CASK: variants seen among roughly 807,000 people sequenced by gnomAD.
CASK encodes the protein calcium/calmodulin dependent serine protein kinase, also known as peripheral plasma membrane protein CASK.
Under a neutral mutation model 82.9 loss-of-function variants are expected in CASK, and 4 were observed. The observed-to-expected ratio is 0.05, with a 90% CI of 0.02 to 0.11. The LOEUF (loss-of-function observed/expected upper bound fraction) is 0.11, where lower values mean the gene tolerates loss of function less well. CASK is among the 10% of genes least tolerant of loss of function. The probability of loss-of-function intolerance (pLI) is 1.00; values close to 1 mark genes in which losing one functional copy is unlikely to be tolerated. For synonymous variants in CASK, 259 were observed against 253.5 expected (o/e 1.02, Z -0.20); for missense variants, 358 against 720.9 (o/e 0.50, Z 5.76).
At chrX:41,659,571 C>A (rs1333380197) in intron 8 of CASK, among the ~76,000 whole-genome samples, 4 of 111,342 alleles carry the variant, frequency 3.6e-5, no homozygotes, top group Non-Finnish European at 7.5e-5. Context: ...GTCTTTCTAA[C>A]ATCTAAAATG....
rs748228279 is a variant in CASK, at chrX:41,808,122, C to G, written c.173-20839G>C. ...CATCTGCCTCGGCTTCCCAAAGTGCCAGGATTACAGGTGTGAGCCATCGTG... is the reference window on the plus strand; with the variant it reads ...CATCTGCCTCGGCTTCCCAAAGTGCGAGGATTACAGGTGTGAGCCATCGTG... On this transcript the variant is annotated intron_variant, in intron 2 of 26. Coordinates refer to ENST00000378163, the MANE Select transcript of CASK (RefSeq NM_001367721.1). Among the ~76,000 whole-genome samples, 10 of 111,907 alleles carry G rather than the reference C, an allele frequency of 8.9e-5. No homozygotes were observed. The South Asian group carries it at 1.5e-3, about 17-fold the overall frequency.
chrX:41,596,671 A>G (rs1245155872), intron 12 of CASK, among the ~76,000 whole-genome samples: 1 of 111,394 alleles, frequency 9.0e-6, no homozygotes, highest in Non-Finnish European at 1.9e-5. Context: ...ACTTTTTATT[A>G]AAAAAAACAA....
At chrX:41,629,209 G>C (rs1405268448) in intron 9 of CASK, among the ~76,000 whole-genome samples, 1 of 111,180 alleles carries the variant, frequency 9.0e-6, no homozygotes, top group Non-Finnish European at 1.9e-5. Context: ...AAACTCTGGG[G>C]CTCAAGCACT....
At chrX:41,536,360 G>A (rs2064873558) in intron 22 of CASK, among the ~76,000 whole-genome samples, 1 of 111,024 alleles carries the variant, frequency 9.0e-6, no homozygotes, top group African/African-American at 3.3e-5. Context: ...CACTGGCCTT[G>A]GCCTCCCGAA....
At chrX:41,626,931 AC>A (rs1218783368) in intron 9 of CASK, among the ~76,000 whole-genome samples, 1 of 112,201 alleles carries the variant, frequency 8.9e-6, no homozygotes, top group Non-Finnish European at 1.9e-5. Context: ...GAAACCACTT[AC>A]ATCTTGAATT....
At chrX:41,690,388 C>T (rs990211752) in intron 5 of CASK, among the ~76,000 whole-genome samples, 2 of 110,653 alleles carry the variant, frequency 1.8e-5, no homozygotes, top group Admixed American at 1.9e-4. Context: ...GCTCTGTTGC[C>T]CAGGCTAGAG....
chrX:41,833,024 A>G (rs752285634), intron 2 of CASK, among the ~76,000 whole-genome samples: 19 of 112,147 alleles, frequency 1.7e-4, no homozygotes, highest in Non-Finnish European at 3.0e-4. Context: ...AACAAGATAG[A>G]AGAGTGTTGC....
chrX:41,688,203 T>C (rs2067477835), intron 5 of CASK, among the ~76,000 whole-genome samples: 1 of 111,140 alleles, frequency 9.0e-6, no homozygotes, highest in Non-Finnish European at 1.9e-5. Context: ...GAATATAATG[T>C]TCAGAAGAGT....
chrX:41,802,879 T>C (rs969789983), intron 2 of CASK, among the ~76,000 whole-genome samples: 5 of 111,350 alleles, frequency 4.5e-5, no homozygotes, highest in Non-Finnish European at 9.4e-5. Context: ...ATGCTATATA[T>C]TTTCAAAATT....
chrX:41,578,268 A>G, intron 15 of CASK, 72 bp downstream of exon 15: 2 of 753,182 alleles, frequency 2.7e-6, no homozygotes, highest in Non-Finnish European at 4.1e-6. Flanking sequence ...CTAGTAGCAT[A>G]GGTTGAAGTT....
chrX:41,846,198 T>C (rs577886245), intron 2 of CASK, among the ~76,000 whole-genome samples: 1 of 111,206 alleles, frequency 9.0e-6, no homozygotes, highest in Admixed American at 9.6e-5. Context: ...GATGAATAGA[T>C]AAAGAAAATG....
At chrX:41,528,399 C>G (rs747987904) in intron 25 of CASK, among the ~76,000 whole-genome samples, 1 of 112,430 alleles carries the variant, frequency 8.9e-6, no homozygotes, top group Non-Finnish European at 1.9e-5. Context: ...TAGACGTGCT[C>G]AATTGGGCCT....
chrX:41,845,268 T>C (rs1464100832), intron 2 of CASK, among the ~76,000 whole-genome samples: 3 of 111,986 alleles, frequency 2.7e-5, no homozygotes, highest in Non-Finnish European at 5.7e-5. Flanking sequence ...GAATCCATTA[T>C]TAAGTCAGGT....
chrX:41,891,897 A>T (rs760423738), intron 1 of CASK, among the ~76,000 whole-genome samples: 2 of 112,241 alleles, frequency 1.8e-5, no homozygotes, highest in Non-Finnish European at 3.8e-5. Context: ...GTTATCGAAG[A>T]GACACAAAAT....
chrX:41,790,760 C>A (rs946855870), intron 2 of CASK, among the ~76,000 whole-genome samples: 1 of 112,231 alleles, frequency 8.9e-6, no homozygotes, highest in African/African-American at 3.2e-5. Context: ...AATTAAATAG[C>A]TCAAATAGCA....
chrX:41,633,995 C>G (rs1048998663), intron 9 of CASK, among the ~76,000 whole-genome samples: 5 of 111,759 alleles, frequency 4.5e-5, no homozygotes, highest in Admixed American at 3.8e-4. Flanking sequence ...CTCCTGAGCT[C>G]AAGCGATTTG....
At chrX:41,724,052 GA>G (rs1294376358) in intron 5 of CASK, 1 of 112,336 alleles carries the variant, frequency 8.9e-6, no homozygotes, top group Non-Finnish European at 1.9e-5. Flanking sequence ...TCCCACTACA[GA>G]AATAGAGAAA....
chrX:41,895,468 G>A (rs771729794), intron 1 of CASK, among the ~76,000 whole-genome samples: 8 of 111,358 alleles, frequency 7.2e-5, no homozygotes, highest in Non-Finnish European at 1.1e-4. Context: ...TTATTCTAAT[G>A]GTGGAAACAG....
chrX:41,549,435 C>A (rs1034629036), intron 21 of CASK, among the ~76,000 whole-genome samples: 4 of 112,184 alleles, frequency 3.6e-5, no homozygotes, highest in African/African-American at 1.3e-4. Flanking sequence ...ATATATTTTG[C>A]AACTTTAACA....
Sources: gnomAD v4.1 joint callset for allele counts (sites outside exome capture counted in the v4.1 genomes callset) on GRCh38, gnomAD v4.1.1 for gene constraint, MANE v1.5 for transcripts, NCBI Gene and HGNC (gene_info 2026-07-23, HGNC 2026-07-21) for gene names.